PLEKHA7: variants seen among roughly 807,000 people sequenced by gnomAD.
PLEKHA7 encodes pleckstrin homology domain containing A7, also known as pleckstrin homology domain-containing family A member 7.
In PLEKHA7, 104 loss-of-function variants were observed where a neutral mutation model predicts 170.0. That is an observed-to-expected ratio of 0.61 (90% CI 0.52 to 0.72). PLEKHA7 has a LOEUF of 0.72. PLEKHA7 is among the 30% of genes least tolerant of loss of function. The pLI is 0.00. For missense variants in PLEKHA7, 1,615 were observed against 1,671.7 expected (o/e 0.97, Z 0.59); for synonymous variants, 648 against 660.8 (o/e 0.98, Z 0.30).
At position 17,014,287 on chromosome 11, in the gene PLEKHA7, C is replaced by T. The variant is rs565106794; in HGVS notation, c.86+29G>A. ...CCCGCCCCCGCGCCCCCACCCGCGT[C>T]CCCGCGTCCCCGGGTCCTCGCGCCG... On this transcript the variant is annotated intron_variant, in intron 1 of 26. Transcript: ENST00000531066. 5 of 1,412,610 alleles carry T rather than the reference C, an allele frequency of 3.5e-6. No homozygotes were observed. The South Asian group carries it at 7.6e-5, about 22-fold the overall frequency. 87.5% of individuals were successfully genotyped at this position (1,412,610 alleles called of 1,614,324 possible). A position where few individuals can be genotyped will look rare whatever the true frequency, so the allele number is the denominator to read the frequency against.
intron 3 of PLEKHA7, among the ~76,000 whole-genome samples, chr11:16,922,982 C>T (rs1425433323): frequency 6.6e-6 from 1 of 152,186 alleles, no homozygotes; most frequent in Non-Finnish European, 1.5e-5. Flanking sequence ...GCTAGCCCTA[C>T]TCAGTCCTCT....
intron 3 of PLEKHA7, among the ~76,000 whole-genome samples, chr11:16,941,009 G>A (rs2136408035): frequency 6.6e-6 from 1 of 152,222 alleles, no homozygotes; most frequent in Non-Finnish European, 1.5e-5. Flanking sequence ...GTGAAGATGT[G>A]GCATGTCTTT....
At chr11:16,869,580 G>A (rs77312973) in intron 4 of PLEKHA7, among the ~76,000 whole-genome samples, 1,527 of 152,320 alleles carry the variant, frequency 0.01, 26 homozygotes, top group African/African-American at 0.034. Flanking sequence ...AGCTTTAAAC[G>A]TACTGTGGGA....
intron 13 of PLEKHA7, among the ~76,000 whole-genome samples, chr11:16,806,456 G>C (rs534190733): frequency 6.6e-6 from 1 of 152,200 alleles, no homozygotes; most frequent in Admixed American, 6.5e-5. Context: ...TCATCCATTT[G>C]AAAGAGTCTC....
At chr11:16,943,378 T>C (rs985146897) in intron 3 of PLEKHA7, among the ~76,000 whole-genome samples, 1 of 152,162 alleles carries the variant, frequency 6.6e-6, no homozygotes, top group African/African-American at 2.4e-5. Context: ...AGTGGCTACC[T>C]TTCTGGACAA....
chr11:16,821,076 G>A (rs1313163201), intron 10 of PLEKHA7, among the ~76,000 whole-genome samples: 2 of 152,160 alleles, frequency 1.3e-5, no homozygotes, highest in Non-Finnish European at 2.9e-5. Flanking sequence ...ACCATGCTCT[G>A]TGGCCACAGG....
Position 16,784,203 on chromosome 11 carries a change from G to A in PLEKHA7, c.3517-370C>T, listed in dbSNP as rs181444004. Among the ~76,000 whole-genome samples, 108 of 152,204 alleles carry A rather than the reference G, an allele frequency of 7.1e-4. 1 individual carries two copies. Among genetic ancestry groups the A allele is most frequent in the African/African-American group, 2.4e-3 (98 of 41,544 alleles). On this transcript the variant is annotated intron_variant, in intron 24 of 26. Transcript: ENST00000531066. ...GATCAACCAGTCCCTCCAGTTCCCC[G>A]CCCACAGTGGGGCCTCTGTTCTGTC...
At chr11:16,921,709 T>C (rs138531750) in intron 3 of PLEKHA7, among the ~76,000 whole-genome samples, 2 of 152,340 alleles carry the variant, frequency 1.3e-5, no homozygotes, top group Non-Finnish European at 2.9e-5. Context: ...GAGAATTCAA[T>C]GAGATAATAT....
rs113389531 is a variant in PLEKHA7, at chr11:16,964,246, T to C, written c.221+49743A>G. On this transcript the variant is annotated intron_variant, in intron 3 of 26. Transcript: ENST00000531066. ...TGGAAACTTGAGTTCTTTTCACCTG[T>C]TGGCTACCATGAATAATGCTGCAAT... Among the ~76,000 whole-genome samples the C allele has an allele frequency of 4.2e-3, 633 of 152,352 alleles. 3 individuals are homozygous for C. The highest frequency in any genetic ancestry group is 0.014 in the African/African-American group (595 of 41,568).
intron 3 of PLEKHA7, among the ~76,000 whole-genome samples, chr11:16,883,844 G>A (rs1003249524): frequency 1.3e-5 from 2 of 152,120 alleles, no homozygotes; most frequent in African/African-American, 4.8e-5. Flanking sequence ...TTTAAGTACT[G>A]CATGCTACAG....
intron 3 of PLEKHA7, among the ~76,000 whole-genome samples, chr11:16,924,064 GC>G (rs1565120717): frequency 6.6e-6 from 1 of 151,228 alleles, no homozygotes; most frequent in Non-Finnish European, 1.5e-5. Context: ...CTGGTCCACA[GC>G]CCTCCATTTA....
intron 9 of PLEKHA7, among the ~76,000 whole-genome samples, chr11:16,835,319 G>A (rs1464185216): frequency 6.6e-6 from 1 of 152,160 alleles, no homozygotes; most frequent in East Asian, 1.9e-4. Flanking sequence ...CTGCTCCTGG[G>A]CCAGAAGAAT....
intron 3 of PLEKHA7, among the ~76,000 whole-genome samples, chr11:16,936,924 A>C (rs1417884652): frequency 2.6e-5 from 4 of 152,264 alleles, no homozygotes; most frequent in Non-Finnish European, 5.9e-5. Context: ...CAGAAACAGC[A>C]GGCAGAAAGG....
At chr11:17,000,934 C>G (rs1864627630) in intron 3 of PLEKHA7, among the ~76,000 whole-genome samples, 1 of 152,202 alleles carries the variant, frequency 6.6e-6, no homozygotes, top group Admixed American at 6.5e-5. Context: ...TGCAGCCAAG[C>G]TACTAGTGAA....
chr11:16,983,457 A>G (rs7118307), intron 3 of PLEKHA7, among the ~76,000 whole-genome samples: 60,191 of 151,958 alleles, frequency 0.4, 12,515 homozygotes, highest in East Asian at 0.57. Context: ...GATGCCCACC[A>G]TGAAGTCTGG....
chr11:16,856,767 C>T (rs745381798), intron 4 of PLEKHA7, among the ~76,000 whole-genome samples: 24 of 152,334 alleles, frequency 1.6e-4, no homozygotes, highest in Middle Eastern at 3.4e-3. Context: ...AAATCCAGTA[C>T]CTATCCCTGG....
chr11:16,892,459 G>GT (rs746065610), intron 3 of PLEKHA7, among the ~76,000 whole-genome samples: 27 of 95,984 alleles, frequency 2.8e-4, no homozygotes, highest in Non-Finnish European at 5.3e-4. Context: ...GTTTTGTTTT[G>GT]TTTTGAGATA....
intron 6 of PLEKHA7, among the ~76,000 whole-genome samples, chr11:16,853,723 C>T (rs1028160046): frequency 2.0e-5 from 3 of 152,124 alleles, no homozygotes; most frequent in African/African-American, 7.2e-5. Context: ...AAGACAAGGG[C>T]AAATGTAAGA....
chr11:16,994,015 A>G (rs755100930), intron 3 of PLEKHA7, among the ~76,000 whole-genome samples: 1 of 152,238 alleles, frequency 6.6e-6, no homozygotes, highest in Non-Finnish European at 1.5e-5. Context: ...TTAAGTATAA[A>G]GTAGATGTTT....
Sources: allele counts gnomAD v4.1 joint callset (sites outside exome capture counted in the v4.1 genomes callset), GRCh38; gene constraint gnomAD v4.1.1; transcripts MANE v1.5; gene names NCBI Gene and HGNC (gene_info 2026-07-23, HGNC 2026-07-21).